Variants in RALGPS2 observed in about 807,000 individuals in gnomAD.
RALGPS2 encodes the protein ras-specific guanine nucleotide-releasing factor RalGPS2.
A neutral mutation model predicts 86.8 loss-of-function variants in RALGPS2; 43 were observed. That is an observed-to-expected ratio of 0.50 (90% CI 0.39 to 0.64). The LOEUF is 0.64. Among genes scored for constraint, RALGPS2 ranks in the 30% least tolerant of loss-of-function variants. The pLI, the probability that RALGPS2 is intolerant of heterozygous loss-of-function variation, is 0.00. For missense variants in RALGPS2, 536 were observed against 694.6 expected (o/e 0.77, Z 2.57); for synonymous variants, 243 against 231.3 (o/e 1.05, Z -0.46).
At chr1:178,821,761 T>C in intron 7 of RALGPS2, 57 bp downstream of exon 7, 3 of 1,268,726 alleles carry the variant, frequency 2.4e-6, no homozygotes, top group East Asian at 4.6e-5. Flanking sequence ...AGGAAAGATA[T>C]ATTCATTTCC....
intron 8 of RALGPS2, among the ~76,000 whole-genome samples, chr1:178,874,998 A>G (rs76573028): frequency 0.036 from 5,482 of 152,318 alleles, 117 homozygotes; most frequent in African/African-American, 0.057. Flanking sequence ...TAAATTTATA[A>G]GGGAATCAAA....
chr1:178,861,686 T>C (rs1184491581), intron 8 of RALGPS2, among the ~76,000 whole-genome samples: 1 of 152,190 alleles, frequency 6.6e-6, no homozygotes, highest in Non-Finnish European at 1.5e-5. Context: ...TTCACACAGC[T>C]CAATTATGTT....
intron 8 of RALGPS2, chr1:178,865,444 GT>G: frequency 1.2e-6 from 2 of 1,613,952 alleles, no homozygotes; most frequent in Non-Finnish European, 1.7e-6. Context: ...CATTCACAAT[GT>G]TTCCATCTAC....
At chr1:178,851,320 T>A in intron 8 of RALGPS2, 1 of 1,601,550 alleles carries the variant, frequency 6.2e-7, no homozygotes, top group East Asian at 2.2e-5. Context: ...CAGTTTCCTT[T>A]GAGGAAAAAA....
At chr1:178,850,320 A>T (rs77343283) in intron 8 of RALGPS2, 3,276 of 152,690 alleles carry the variant, frequency 0.021, 41 homozygotes, top group Middle Eastern at 0.041. Context: ...TATAATTCAG[A>T]TCTGTAGCAC....
At chr1:178,737,692 T>G (rs1156983271) in intron 1 of RALGPS2, among the ~76,000 whole-genome samples, 1 of 152,254 alleles carries the variant, frequency 6.6e-6, no homozygotes, top group Non-Finnish European at 1.5e-5. Flanking sequence ...TTTTTCATTT[T>G]TAATTCATCT....
chr1:178,801,420 T>C (rs754291278), intron 4 of RALGPS2, among the ~76,000 whole-genome samples: 9 of 152,190 alleles, frequency 5.9e-5, no homozygotes, highest in Non-Finnish European at 1.3e-4. Context: ...TGTGCCAGTC[T>C]AAAGGCTTTA....
At chr1:178,761,592 A>G (rs7531582) in intron 1 of RALGPS2, among the ~76,000 whole-genome samples, 70,658 of 151,236 alleles carry the variant, frequency 0.47, 17,728 homozygotes, top group African/African-American at 0.65. Context: ...GCAGAGTCTC[A>G]CTCTTTTGCC....
At chr1:178,746,632 A>T in intron 1 of RALGPS2, 1 of 756,732 alleles carries the variant, frequency 1.3e-6, no homozygotes, top group Non-Finnish European at 2.5e-6. Flanking sequence ...CTTGATTTGC[A>T]CATCAATGGT....
chr1:178,864,055 G>A (rs1658215829), intron 8 of RALGPS2, among the ~76,000 whole-genome samples: 1 of 152,118 alleles, frequency 6.6e-6, no homozygotes, highest in South Asian at 2.1e-4. Context: ...AGCTTGTAAA[G>A]GATTCTGGGG....
At chr1:178,836,238 G>A (rs747161485) in intron 8 of RALGPS2, among the ~76,000 whole-genome samples, 13 of 152,168 alleles carry the variant, frequency 8.5e-5, no homozygotes, top group Admixed American at 3.3e-4. Flanking sequence ...CTCAGCCCCC[G>A]ACCTGAAACA....
At chr1:178,786,895 C>T (rs941766625) in intron 4 of RALGPS2, among the ~76,000 whole-genome samples, 30 of 151,874 alleles carry the variant, frequency 2.0e-4, no homozygotes, top group African/African-American at 7.0e-4. Flanking sequence ...AAGTAAGTTA[C>T]TTCCTGTCTT....
At chr1:178,788,978 C>G (rs1412937828) in intron 4 of RALGPS2, among the ~76,000 whole-genome samples, 2 of 151,304 alleles carry the variant, frequency 1.3e-5, no homozygotes, top group African/African-American at 4.9e-5. Flanking sequence ...GTGATCTCAA[C>G]TTACTGCAAC....
chr1:178,725,820 C>T (rs924890087), intron 1 of RALGPS2: 1 of 152,350 alleles, frequency 6.6e-6, no homozygotes, highest in African/African-American at 2.4e-5. Context: ...CAGGTGAGCC[C>T]GATCCCGGAC....
chr1:178,751,110 A>G (rs1651628772), intron 1 of RALGPS2, among the ~76,000 whole-genome samples: 1 of 150,796 alleles, frequency 6.6e-6, no homozygotes, highest in South Asian at 2.1e-4. Flanking sequence ...TTTATCTTCC[A>G]TGTTCACACA....
intron 2 of RALGPS2, among the ~76,000 whole-genome samples, chr1:178,782,779 C>A (rs546434237): frequency 6.6e-6 from 1 of 152,104 alleles, no homozygotes; most frequent in African/African-American, 2.4e-5. Flanking sequence ...AAACCAAAGA[C>A]AACAGAGGAT....
chr1:178,769,178 C>T (rs544319018), intron 1 of RALGPS2, among the ~76,000 whole-genome samples: 3 of 150,716 alleles, frequency 2.0e-5, no homozygotes, highest in Non-Finnish European at 4.4e-5. Flanking sequence ...CCTGCTGCAC[C>T]ACAATATATA....
chr1:178,870,661 T>G (rs896350032), intron 8 of RALGPS2: 1 of 152,326 alleles, frequency 6.6e-6, no homozygotes, highest in Middle Eastern at 3.4e-3. Context: ...AGTAAAAGAT[T>G]CTGAAATTTC....
intron 1 of RALGPS2, among the ~76,000 whole-genome samples, chr1:178,758,905 A>G (rs1441344648): frequency 1.3e-5 from 2 of 152,172 alleles, no homozygotes; most frequent in Admixed American, 6.5e-5. Flanking sequence ...TTGCCCATTT[A>G]AAAAATCAGA....
Sources: gnomAD v4.1 joint callset for allele counts (sites outside exome capture counted in the v4.1 genomes callset) on GRCh38, gnomAD v4.1.1 for gene constraint, MANE v1.5 for transcripts, NCBI Gene and HGNC (gene_info 2026-07-23, HGNC 2026-07-21) for gene names.